Variants in GCC1 observed in about 807,000 individuals in gnomAD.
The protein encoded by GCC1 is GRIP and coiled-coil domain containing 1, also known as GRIP and coiled-coil domain-containing protein 1.
In GCC1, 36 loss-of-function variants were observed where a neutral mutation model predicts 62.5. The ratio of observed to expected loss-of-function variants is 0.58; its 90% CI spans 0.44 to 0.76. GCC1 has a LOEUF of 0.76. Among genes scored for constraint, GCC1 ranks in the 30% least tolerant of loss-of-function variants. The probability of loss-of-function intolerance (pLI) is 0.00; values close to 1 mark genes in which losing one functional copy is unlikely to be tolerated. For missense variants in GCC1, 885 were observed against 948.3 expected (o/e 0.93, Z 0.88); for synonymous variants, 391 against 386.8 (o/e 1.01, Z -0.13).
rs999409947 is a variant in GCC1 at position 127,584,509 on chromosome 7, G to A, written c.674C>T (p.Thr225Ile). The change falls in exon 1 of 2, where the codon ACC becomes ATC. Residue 225 changes from threonine (T) to isoleucine (I), a missense_variant. Thr to Ile is a moderately conservative substitution (Grantham distance 89, BLOSUM62 -1). Coordinates refer to ENST00000321407, the MANE Select transcript of GCC1 (RefSeq NM_024523.6). Reference sequence around the variant, plus strand: ...CTGCTGCGTGATAAGCCGGGCTTTGGTTTCTGCTATTTGCTCCTGCAGCCC... The same window carrying A: ...CTGCTGCGTGATAAGCCGGGCTTTGATTTCTGCTATTTGCTCCTGCAGCCC... Reference protein sequence around the residue: ...LKGLQEQIAETKARLITQQHD... With the variant: ...LKGLQEQIAEIKARLITQQHD... The A allele has an allele frequency of 1.8e-5, 29 of 1,613,978 alleles. No homozygotes were observed. Among genetic ancestry groups the A allele is most frequent in the Non-Finnish European group, 2.2e-5 (26 of 1,180,004 alleles).
Position 127,585,050 on chromosome 7 carries a change from G to A in GCC1, c.133C>T (p.Leu45=), listed in dbSNP as rs1305957133. Residue 45 remains leucine (L), a synonymous_variant, in exon 1 of 2, where the codon CTG becomes TTG. Coordinates refer to ENST00000321407, the MANE Select transcript of GCC1 (RefSeq NM_024523.6). ...TCTAATGCCTCTTTCTCCTTCAGCAGGCTTTTATAGGCACGGACCACATCC... is the reference window on the plus strand; with the variant it reads ...TCTAATGCCTCTTTCTCCTTCAGCAAGCTTTTATAGGCACGGACCACATCC... The part of the protein sequence containing the change: ...LKDVVRAYKS[L]LKEKEALEAS... The A allele has an allele frequency of 1.2e-6, 2 of 1,614,182 alleles. No homozygotes were observed. The highest frequency in any genetic ancestry group is 1.7e-5 in the Admixed American group (1 of 60,030).
In GCC1 at chr7:127,583,327, A is replaced by G. The variant is rs1794162105; in HGVS notation, c.1033-18T>C. On this transcript the variant is annotated intron_variant, in intron 1 of 1. Transcript: ENST00000321407. Reference sequence around the variant, plus strand: ...AGAGCTGTCTGCAAAACAAGGGAACAGACAAAAATGCATCCACAAAAGCCC... The same window carrying G: ...AGAGCTGTCTGCAAAACAAGGGAACGGACAAAAATGCATCCACAAAAGCCC... 7 of 1,561,036 alleles carry G rather than the reference A, an allele frequency of 4.5e-6. No individual in the cohort carries two copies. The African/African-American group carries it at 5.4e-5, about 12-fold the overall frequency.
rs1179332592 is a variant in GCC1, at chr7:127,584,463, C to G, written c.720G>C (p.Gln240His). The change falls in exon 1 of 2, where the codon CAG (glutamine) becomes CAC (histidine). Residue 240 changes from glutamine (Q) to histidine (H), a missense_variant. By Grantham distance (24) the Gln-to-His change is conservative. Coordinates refer to ENST00000321407, the MANE Select transcript of GCC1 (RefSeq NM_024523.6). Reference protein sequence around the residue: ...ITQQHDRAQEQSDHALMLREL... With the variant: ...ITQQHDRAQEHSDHALMLREL... Reference sequence around the variant, plus strand: ...CACGCAGCATCAAGGCATGGTCACTCTGCTCTTGGGCCCGATCATGCTGCT... The same window carrying G: ...CACGCAGCATCAAGGCATGGTCACTGTGCTCTTGGGCCCGATCATGCTGCT... 1.9e-6 allele frequency: 3 copies of G among 1,614,018 alleles called. No individual in the cohort carries two copies. In the African/African-American group the frequency reaches 4.0e-5, roughly 22 times the overall value.
At position 127,581,201 on chromosome 7, in the gene GCC1, C is replaced by T. The variant is rs1313985886; in HGVS notation, c.*813G>A. 6.6e-6 allele frequency: 1 copy of T among 152,166 alleles called. No individual in the cohort carries two copies. The highest frequency in any genetic ancestry group is 2.4e-5 in the African/African-American group (1 of 41,438). The allele number at this position is 152,166 out of a possible 1,614,324, so 9.4% of individuals were successfully genotyped here. ...GACCCCTCTCTGTAAGAAGCTAGGACTTTATTTCTTAATGAAAGTTCAACA... is the reference window on the plus strand; with the variant it reads ...GACCCCTCTCTGTAAGAAGCTAGGATTTTATTTCTTAATGAAAGTTCAACA... On this transcript the variant is annotated 3_prime_UTR_variant, in exon 2 of 2. Coordinates refer to ENST00000321407, the MANE Select transcript of GCC1 (RefSeq NM_024523.6).
Position 127,585,167 on chromosome 7 carries a change from T to C in GCC1, c.16A>G (p.Met6Val). ...TTGCTCGGGCCGCCCCCGAAATTCA[T>C]CCCAAACTTCTCCATGGAGGGTCTG... MEKFG[M>V]NFGGGPSKKD... Residue 6 changes from methionine (M) to valine (V), a missense_variant, in exon 1 of 2, where the codon ATG becomes GTG. Transcript: ENST00000321407. 6.2e-7 allele frequency: 1 copy of C among 1,601,928 alleles called. No homozygotes were observed. The highest frequency in any genetic ancestry group is 8.5e-7 in the Non-Finnish European group (1 of 1,174,074).
At position 127,582,772 on chromosome 7, in the gene GCC1, G is replaced by A; in HGVS notation, c.1570C>T (p.Leu524Phe). Residue 524 changes from leucine (L) to phenylalanine (F), a missense_variant, in exon 2 of 2, where the codon CTT becomes TTT. Leu to Phe is a conservative substitution (Grantham distance 22). Transcript: ENST00000321407. This position sits in a 1 kb window ranked among gnomAD's most constrained non-coding sequence, Gnocchi z 4.8. ...GKELEAAQEQ[L>F]AELKEKYISL... ...ATATACTTCTCCTTCAGCTCTGCAA[G>A]CTGTTCCTGGGCTGCCTCCAGCTCC... The A allele has an allele frequency of 6.2e-7, 1 of 1,614,208 alleles. No homozygotes were observed. Among genetic ancestry groups the A allele is most frequent in the Non-Finnish European group, 8.5e-7 (1 of 1,180,038 alleles).
rs770942238 is a variant in GCC1, at chr7:127,582,730, A to C, written c.1612T>G (p.Cys538Gly). ...TGGTGTTGGTGCTCCAGCTCCTCGC[A>C]GGAGAGCCGCAGGGAAATATACTTC... ...KEKYISLRLSCEELEHQHQQE... is the reference protein window; with the variant it reads ...KEKYISLRLSGEELEHQHQQE... The change falls in exon 2 of 2, where the codon TGC (cysteine) becomes GGC (glycine). Residue 538 changes from cysteine to glycine, a missense_variant. Cys to Gly is a radical substitution (Grantham distance 159). Transcript: ENST00000321407. The surrounding 1 kb of genome is among the most constrained non-coding windows in gnomAD (Gnocchi z 4.8). 6.2e-7 allele frequency: 1 copy of C among 1,614,154 alleles called. No homozygotes were observed. The highest frequency in any genetic ancestry group is 8.5e-7 in the Non-Finnish European group (1 of 1,180,024).
At position 127,583,249 on chromosome 7, in the gene GCC1, C is replaced by T; in HGVS notation, c.1093G>A (p.Ala365Thr). The T allele has an allele frequency of 5.6e-6, 9 of 1,612,896 alleles. No homozygotes were observed. Among genetic ancestry groups the T allele is most frequent in the Non-Finnish European group, 7.6e-6 (9 of 1,179,416 alleles). Residue 365 changes from alanine (A) to threonine (T), a missense_variant, in exon 2 of 2, where the codon GCC becomes ACC. By Grantham distance (58) the Ala-to-Thr change is moderately conservative (BLOSUM62 0). Coordinates refer to ENST00000321407, the MANE Select transcript of GCC1 (RefSeq NM_024523.6). ...ACCTCGGATATTTGATTCTCCAGGG[C>T]TGCCACCCTCTGTTCTTCTACCTGA... ...QSQVEEQRVA[A>T]LENQISEVSE...
At position 127,582,485 on chromosome 7, in the gene GCC1, T is replaced by C. The variant is rs757995193; in HGVS notation, c.1857A>G (p.Arg619=). The C allele has an allele frequency of 6.2e-7, 1 of 1,613,868 alleles. No individual in the cohort carries two copies. Among genetic ancestry groups the C allele is most frequent in the South Asian group, 1.1e-5 (1 of 91,082 alleles). ...CAGGACCGCCACCACCCACAGGACT[T>C]CTGCGTCCTGGCAGCCCAGAGGCCA... ...VALASGLPGR[R]SPVGGGGPGD... The change falls in exon 2 of 2, where the codon AGA becomes AGG. Residue 619 remains arginine (R), a synonymous_variant. Transcript: ENST00000321407. The surrounding 1 kb of genome is among the most constrained non-coding windows in gnomAD (Gnocchi z 4.8).
chr7:127,582,399 G>T lies in GCC1; in HGVS notation c.1943C>A (p.Ala648Asp), dbSNP rs369410656. The T allele has an allele frequency of 1.4e-5, 22 of 1,614,214 alleles. No individual in the cohort carries two copies. In the East Asian group the frequency reaches 2.2e-4, roughly 16 times the overall value. Residue 648 changes from alanine (A) to aspartate (D), a missense_variant, in exon 2 of 2, where the codon GCC becomes GAC. By Grantham distance (126) the Ala-to-Asp change is moderately radical. Transcript: ENST00000321407. This position sits in a 1 kb window ranked among gnomAD's most constrained non-coding sequence, Gnocchi z 4.8. ...SLTQALQLAA[A>D]NEPTFFLYAE... ...GTACAGAAAGAAAGTGGGCTCATTG[G>T]CCGCTGCAAGTTGTAATGCTTGGGT...
rs1202311341 is a variant in GCC1, at chr7:127,585,456, G to T, written c.-274C>A. 6.5e-6 allele frequency: 3 copies of T among 464,996 alleles called. No homozygotes were observed. Among genetic ancestry groups the T allele is most frequent in the South Asian group, 6.0e-5 (2 of 33,138 alleles). The allele number at this position is 464,996 out of a possible 1,614,324, so 28.8% of individuals were successfully genotyped here. A position where few individuals can be genotyped will look rare whatever the true frequency, so the allele number is the denominator to read the frequency against. On this transcript the variant is annotated 5_prime_UTR_variant, in exon 1 of 2. Coordinates refer to ENST00000321407, the MANE Select transcript of GCC1 (RefSeq NM_024523.6). ...GTGCGCACTGCCAGGGCTCGTTAGC[G>T]CTGGCCCAGAAGCCGCTCCGCACTC...
At position 127,582,937 on chromosome 7, in the gene GCC1, C is replaced by A; in HGVS notation, c.1405G>T (p.Glu469Ter). The A allele has an allele frequency of 6.2e-7, 1 of 1,614,196 alleles. No homozygotes were observed. Among genetic ancestry groups the A allele is most frequent in the Non-Finnish European group, 8.5e-7 (1 of 1,180,040 alleles). ...GTAGCCTTCTCCCCATCAGCAGCCT[C>A]CGAGCTGGGCATTATCTCCAGGTCA... Reference protein sequence around the residue: ...LCDLEIMPSSEAADGEKATAL... With the variant: ...LCDLEIMPSS Residue 469 changes from glutamate to a stop codon, truncating the protein, a stop_gained, in exon 2 of 2, where the codon GAG becomes TAG. Coordinates refer to ENST00000321407, the MANE Select transcript of GCC1 (RefSeq NM_024523.6). LOFTEE classifies it high-confidence loss of function. This position sits in a 1 kb window ranked among gnomAD's most constrained non-coding sequence, Gnocchi z 4.8.
rs947495254 is a variant in GCC1, at chr7:127,583,326, C to G, written c.1033-17G>C. The G allele has an allele frequency of 6.4e-7, 1 of 1,564,728 alleles. No individual in the cohort carries two copies. The highest frequency in any genetic ancestry group is 8.7e-7 in the Non-Finnish European group (1 of 1,155,210). On this transcript the variant is annotated splice_polypyrimidine_tract_variant and intron_variant, in intron 1 of 1. Transcript: ENST00000321407. The stretch of plus-strand genomic sequence containing the variant: ...AAGAGCTGTCTGCAAAACAAGGGAA[C>G]AGACAAAAATGCATCCACAAAAGCC...
In GCC1 at chr7:127,584,157, C is replaced by T; in HGVS notation, c.1026G>A (p.Met342Ile). Residue 342 changes from methionine (M) to isoleucine (I), a missense_variant, in exon 1 of 2, where the codon ATG becomes ATA. By Grantham distance (10) the Met-to-Ile change is conservative. Transcript: ENST00000321407. Reference protein sequence around the residue: ...SHFQAQLQQEMRKTALAEDQL... With the variant: ...SHFQAQLQQEIRKTALAEDQL... ...AAGAGATATGGATAATTACCTTTCT[C>T]ATTTCCTGCTGTAACTGAGCCTGGA... 4 of 1,613,236 alleles carry T rather than the reference C, an allele frequency of 2.5e-6. No homozygotes were observed. The Admixed American group carries it at 5.0e-5, about 20-fold the overall frequency.
In GCC1 at chr7:127,582,645, T is replaced by G; in HGVS notation, c.1697A>C (p.Glu566Ala). 6.2e-7 allele frequency: 1 copy of G among 1,613,312 alleles called. No individual in the cohort carries two copies. The highest frequency in any genetic ancestry group is 1.3e-5 in the African/African-American group (1 of 75,002). ...GAAGTCCAGCTGGCACCGCTCCAGCTCCTGCCGGTGGAGCTGCTGCAGCCG... is the reference window on the plus strand; with the variant it reads ...GAAGTCCAGCTGGCACCGCTCCAGCGCCTGCCGGTGGAGCTGCTGCAGCCG... ...LARLQQLHRQ[E>A]LERCQLDFRD... The change falls in exon 2 of 2, where the codon GAG becomes GCG. Residue 566 changes from glutamate (E) to alanine (A), a missense_variant. By Grantham distance (107) the Glu-to-Ala change is moderately radical (BLOSUM62 -1). Coordinates refer to ENST00000321407, the MANE Select transcript of GCC1 (RefSeq NM_024523.6). The surrounding 1 kb of genome is among the most constrained non-coding windows in gnomAD (Gnocchi z 4.8).
Position 127,583,120 on chromosome 7 carries a change from G to GC in GCC1, c.1221_1222insG (p.Leu408AlafsTer28). ...GACCTGCTGGAGGCTGCTAGAGCCA[G>GC]TGTCTTGTTCTCCAGGTCCAGCTGC... On this transcript the variant is annotated frameshift_variant, in exon 2 of 2. Transcript: ENST00000321407. The GC allele has an allele frequency of 6.2e-7, 1 of 1,614,144 alleles. No homozygotes were observed. Among genetic ancestry groups the GC allele is most frequent in the South Asian group, 1.1e-5 (1 of 91,080 alleles).
At position 127,582,422 on chromosome 7, in the gene GCC1, G is replaced by A. The variant is rs745851682; in HGVS notation, c.1920C>T (p.Thr640=). The part of the protein sequence containing the change: ...PADTSSSDSL[T]QALQLAAANE... ...TGGCCGCTGCAAGTTGTAATGCTTGGGTCAGGCTATCAGAGGATGATGTGT... is the reference window on the plus strand; with the variant it reads ...TGGCCGCTGCAAGTTGTAATGCTTGAGTCAGGCTATCAGAGGATGATGTGT... The change falls in exon 2 of 2, where the codon ACC becomes ACT. Residue 640 remains threonine, a synonymous_variant. Coordinates refer to ENST00000321407, the MANE Select transcript of GCC1 (RefSeq NM_024523.6). This position sits in a 1 kb window ranked among gnomAD's most constrained non-coding sequence, Gnocchi z 4.8. 6.2e-7 allele frequency: 1 copy of A among 1,614,054 alleles called. No homozygotes were observed. Among genetic ancestry groups the A allele is most frequent in the African/African-American group, 1.3e-5 (1 of 74,908 alleles).
Position 127,582,237 on chromosome 7 carries a change from A to G in GCC1, c.2105T>C (p.Leu702Pro). ...GATGTTCTTTTCGATGTGGCTCTGC[A>G]GGGCTGCAACCTCCTCACGATGCCG... The part of the protein sequence containing the change: ...GERHREEVAA[L>P]QSHIEKNIRD... Residue 702 changes from leucine (L) to proline (P), a missense_variant, in exon 2 of 2, where the codon CTG (leucine) becomes CCG (proline). Physicochemically the swap from Leu to Pro is moderately conservative, Grantham distance 98 (BLOSUM62 -3). Transcript: ENST00000321407. The surrounding 1 kb of genome is among the most constrained non-coding windows in gnomAD (Gnocchi z 4.8). 6.2e-7 allele frequency: 1 copy of G among 1,614,136 alleles called. No individual in the cohort carries two copies. Among genetic ancestry groups the G allele is most frequent in the South Asian group, 1.1e-5 (1 of 91,080 alleles).
Position 127,583,281 on chromosome 7 carries a change from T to C in GCC1, c.1061A>G (p.Gln354Arg), listed in dbSNP as rs776899686. 11 of 1,606,232 alleles carry C rather than the reference T, an allele frequency of 6.8e-6. No individual in the cohort carries two copies. The highest frequency in any genetic ancestry group is 1.7e-5 in the Admixed American group (1 of 59,772). The change falls in exon 2 of 2, where the codon CAG becomes CGG. Residue 354 changes from glutamine to arginine, a missense_variant. Coordinates refer to ENST00000321407, the MANE Select transcript of GCC1 (RefSeq NM_024523.6). ...KTALAEDQLR[Q>R]QSQVEEQRVA... ...CCTCTGTTCTTCTACCTGAGATTGC[T>C]GACGGAGTTGATCCTCTGCAAGAGC...
Sources: gnomAD v4.1 joint callset for allele counts on GRCh38, gnomAD v4.1.1 for gene constraint, Gnocchi (gnomAD v3.1) non-coding constraint, MANE v1.5 for transcripts, NCBI Gene and HGNC (gene_info 2026-07-23, HGNC 2026-07-21) for gene names.